The following CBFB variants were observed in gnomAD, a reference collection of about 807,000 sequenced individuals.
The protein encoded by CBFB is core-binding factor subunit beta.
A neutral mutation model predicts 30.4 loss-of-function variants in CBFB; 9 were observed. The ratio of observed to expected loss-of-function variants is 0.30; its 90% CI spans 0.18 to 0.52. The LOEUF (loss-of-function observed/expected upper bound fraction) is 0.52. CBFB is among the 20% of genes least tolerant of loss of function. The pLI is 0.97. For synonymous variants in CBFB, 94 were observed against 84.0 expected (o/e 1.12, Z -0.65); for missense variants, 170 against 244.0 (o/e 0.70, Z 2.02).
At chr16:67,046,363 A>G (rs893413038) in intron 3 of CBFB, among the ~76,000 whole-genome samples, 8 of 151,994 alleles carry the variant, frequency 5.3e-5, no homozygotes, top group African/African-American at 1.9e-4. Flanking sequence ...GGCCTCTCAA[A>G]GTGCTGGGAT....
At chr16:67,065,961 G>T (rs553773737) in intron 3 of CBFB, among the ~76,000 whole-genome samples, 1 of 151,978 alleles carries the variant, frequency 6.6e-6, no homozygotes, top group African/African-American at 2.4e-5. Flanking sequence ...AATTATTTAT[G>T]GACACCTAAA....
intron 5 of CBFB, among the ~76,000 whole-genome samples, chr16:67,095,690 G>GTTTTT (rs869266505): frequency 8.1e-6 from 1 of 124,132 alleles, no homozygotes; most frequent in East Asian, 2.5e-4. Context: ...GACCTCATCT[G>GTTTTT]TTTTTTTTTT....
Position 67,029,384 on chromosome 16 carries a change from C to A in CBFB, c.-24C>A. 6.7e-7 allele frequency: 1 copy of A among 1,492,614 alleles called. No homozygotes were observed. Among genetic ancestry groups the A allele is most frequent in the South Asian group, 1.3e-5 (1 of 78,896 alleles). The allele number at this position is 1,492,614 out of a possible 1,614,324, so 92.5% of individuals were successfully genotyped here. A position where few individuals can be genotyped will look rare whatever the true frequency, so the allele number is the denominator to read the frequency against. ...CCGCGCAAGCCCCGAGCGCGGCCGGCCGGCGCGGCCTCAGGGCGGGAAGAT... is the reference window on the plus strand; with the variant it reads ...CCGCGCAAGCCCCGAGCGCGGCCGGACGGCGCGGCCTCAGGGCGGGAAGAT... On this transcript the variant is annotated 5_prime_UTR_variant, in exon 1 of 6. Transcript: ENST00000412916.
intron 3 of CBFB, among the ~76,000 whole-genome samples, chr16:67,062,741 C>G (rs1960946687): frequency 6.6e-6 from 1 of 151,742 alleles, no homozygotes; most frequent in Non-Finnish European, 1.5e-5. Context: ...TGCAGTGAGC[C>G]AAGATCATGC....
At position 67,098,909 on chromosome 16, in the gene CBFB, G is replaced by A; in HGVS notation, c.*131G>A. The A allele has an allele frequency of 1.7e-6, 1 of 605,034 alleles. No homozygotes were observed. Among genetic ancestry groups the A allele is most frequent in the Non-Finnish European group, 3.0e-6 (1 of 335,310 alleles). 37.5% of individuals were successfully genotyped at this position (605,034 alleles called of 1,614,324 possible). On this transcript the variant is annotated 3_prime_UTR_variant, in exon 6 of 6. Transcript: ENST00000412916. ...ACGGTCTATTTCTCAACCTTAGGCA[G>A]TAATAGACATCACAAACTGCCATGG...
chr16:67,061,679 G>A (rs1960915008), intron 3 of CBFB, among the ~76,000 whole-genome samples: 1 of 152,080 alleles, frequency 6.6e-6, no homozygotes. Context: ...TAAATCAGTA[G>A]GATCATCTAA....
At chr16:67,060,994 G>A (rs537249725) in intron 3 of CBFB, among the ~76,000 whole-genome samples, 1 of 152,224 alleles carries the variant, frequency 6.6e-6, no homozygotes, top group East Asian at 1.9e-4. Context: ...CCATTGTATG[G>A]GTGATACCAC....
rs572009513 is a variant in CBFB at position 67,046,486 on chromosome 16, C to T, written c.282+9731C>T. Among the ~76,000 whole-genome samples the T allele has an allele frequency of 1.1e-4, 17 of 152,206 alleles. 1 individual carries two copies. The South Asian group carries it at 3.3e-3, about 30-fold the overall frequency. On this transcript the variant is annotated intron_variant, in intron 3 of 5. Coordinates refer to ENST00000412916, the MANE Select transcript of CBFB (RefSeq NM_022845.3). ...TTAATTTCTTTGTAGCACTGCTATGCCCTAGTTTTACTATTTCCCATTTTC... is the reference window on the plus strand; with the variant it reads ...TTAATTTCTTTGTAGCACTGCTATGTCCTAGTTTTACTATTTCCCATTTTC...
chr16:67,029,543 G>C, intron 1 of CBFB, 58 bp downstream of exon 1: 4 of 1,511,942 alleles, frequency 2.6e-6, no homozygotes, highest in African/African-American at 1.4e-5. Flanking sequence ...GGGCCCGGGC[G>C]GAGAAAAGTT....
At chr16:67,056,584 G>A (rs533133623) in intron 3 of CBFB, among the ~76,000 whole-genome samples, 1 of 152,052 alleles carries the variant, frequency 6.6e-6, no homozygotes, top group South Asian at 2.1e-4. Context: ...TCCATTAACA[G>A]CATAATGTAA....
chr16:67,055,357 C>CTTT (rs1163773529), intron 3 of CBFB, among the ~76,000 whole-genome samples: 1,134 of 81,466 alleles, frequency 0.014, 231 homozygotes, highest in African/African-American at 0.054. Context: ...CAGACACTTT[C>CTTT]TTTTTTTTTT....
intron 5 of CBFB, among the ~76,000 whole-genome samples, chr16:67,090,178 G>A (rs1961843013): frequency 6.6e-6 from 1 of 152,182 alleles, no homozygotes; most frequent in Admixed American, 6.5e-5. Context: ...AACTTCCCAT[G>A]TTCTGGTAAT....
intron 3 of CBFB, among the ~76,000 whole-genome samples, chr16:67,045,524 A>G (rs1005924957): frequency 6.6e-6 from 1 of 152,120 alleles, no homozygotes; most frequent in Non-Finnish European, 1.5e-5. Flanking sequence ...CTGAAAAAAA[A>G]AAAATTAAAA....
chr16:67,060,197 T>A (rs112560597), intron 3 of CBFB, among the ~76,000 whole-genome samples: 9,304 of 152,040 alleles, frequency 0.061, 871 homozygotes, highest in African/African-American at 0.21. Context: ...CTGGCTGGTC[T>A]CAAACTCCTG....
At position 67,099,000 on chromosome 16, in the gene CBFB, A is replaced by G. The variant is rs1035775704; in HGVS notation, c.*222A>G. 2.4e-6 allele frequency: 1 copy of G among 416,964 alleles called. No individual in the cohort carries two copies. Among genetic ancestry groups the G allele is most frequent in the Admixed American group, 4.3e-5 (1 of 23,500 alleles). 25.8% of individuals were successfully genotyped at this position (416,964 alleles called of 1,614,324 possible). ...AAGCATGTAGCCAGTAATAATTTGA[A>G]GTTTTTTTTCTATGCAAGCTTACCT... is the stretch of plus-strand genomic sequence containing the variant. On this transcript the variant is annotated 3_prime_UTR_variant, in exon 6 of 6. Coordinates refer to ENST00000412916, the MANE Select transcript of CBFB (RefSeq NM_022845.3).
chr16:67,034,869 A>G (rs993743034), intron 2 of CBFB, among the ~76,000 whole-genome samples: 67 of 152,314 alleles, frequency 4.4e-4, no homozygotes, highest in African/African-American at 1.2e-3. Context: ...TGTTGAGCTT[A>G]AAGTTATTTA....
At chr16:67,058,386 C>T (rs1422034004) in intron 3 of CBFB, among the ~76,000 whole-genome samples, 1 of 152,172 alleles carries the variant, frequency 6.6e-6, no homozygotes, top group Admixed American at 6.5e-5. Context: ...AGTGATCCAC[C>T]CACCTCAGCC....
intron 2 of CBFB, among the ~76,000 whole-genome samples, chr16:67,035,348 G>A (rs1966425543): frequency 1.3e-5 from 2 of 152,076 alleles, no homozygotes; most frequent in South Asian, 4.1e-4. Flanking sequence ...CCTCCCAAAG[G>A]GCTGGGATTA....
At chr16:67,047,854 G>A (rs1966656298) in intron 3 of CBFB, among the ~76,000 whole-genome samples, 1 of 151,948 alleles carries the variant, frequency 6.6e-6, no homozygotes, top group Non-Finnish European at 1.5e-5. Context: ...GGATCGCCTG[G>A]GGTTAGGAGT....
Sources: allele counts gnomAD v4.1 joint callset (sites outside exome capture counted in the v4.1 genomes callset), GRCh38; gene constraint gnomAD v4.1.1; transcripts MANE v1.5; gene names NCBI Gene and HGNC (gene_info 2026-07-23, HGNC 2026-07-21).